The following PPP3CA variants were observed in gnomAD, a reference collection of about 807,000 sequenced individuals.
PPP3CA encodes the protein CAM-PRP catalytic subunit.
PPP3CA carries 14 observed loss-of-function variants against 66.5 expected under a neutral mutation model. The ratio of observed to expected loss-of-function variants is 0.21; its 90% CI spans 0.14 to 0.33. PPP3CA has a LOEUF of 0.33. Ranked by LOEUF, PPP3CA falls within the 10% of genes least tolerant of loss-of-function variation. PPP3CA has a pLI of 1.00. For synonymous variants in PPP3CA, 232 were observed against 226.2 expected (o/e 1.03, Z -0.23); for missense variants, 317 against 639.5 (o/e 0.50, Z 5.44).
At position 101,334,922 on chromosome 4, in the gene PPP3CA, T is replaced by C. The variant is rs145372139; in HGVS notation, c.58+11817A>G. On this transcript the variant is annotated intron_variant, in intron 1 of 13. Coordinates refer to ENST00000394854, the MANE Select transcript of PPP3CA (RefSeq NM_000944.5). ...AAATGTTCAGGGAAATACACACATA[T>C]GTAATTTCCACTGTGATTAAAGACT... Among the ~76,000 whole-genome samples the C allele has an allele frequency of 2.3e-3, 347 of 152,290 alleles. 4 individuals carry two copies. Among genetic ancestry groups the C allele is most frequent in the African/African-American group, 7.8e-3 (324 of 41,554 alleles).
At chr4:101,323,150 T>C (rs1382363567) in intron 1 of PPP3CA, among the ~76,000 whole-genome samples, 1 of 152,180 alleles carries the variant, frequency 6.6e-6, no homozygotes, top group Admixed American at 6.5e-5. Context: ...TTGACAGTTC[T>C]AGTATTCCTA....
chr4:101,161,965 C>A (rs1055017750), intron 2 of PPP3CA, among the ~76,000 whole-genome samples: 2 of 152,136 alleles, frequency 1.3e-5, no homozygotes, highest in African/African-American at 4.8e-5. Flanking sequence ...ATAGGCCGGG[C>A]GCGGTGACTC....
At chr4:101,050,469 G>C (rs1345468297) in intron 10 of PPP3CA, among the ~76,000 whole-genome samples, 1 of 152,056 alleles carries the variant, frequency 6.6e-6, no homozygotes, top group East Asian at 1.9e-4. Flanking sequence ...TGCTACCTTG[G>C]GCAAGTATTA....
rs1578645045 is a variant in PPP3CA at position 101,300,958 on chromosome 4, T to C, written c.58+45781A>G. 2.0e-5 allele frequency among the ~76,000 whole-genome samples: 3 copies of C among 152,216 alleles called. No homozygotes were observed. In the East Asian group the frequency reaches 5.8e-4, roughly 29 times the overall value. On this transcript the variant is annotated intron_variant, in intron 1 of 13. Coordinates refer to ENST00000394854, the MANE Select transcript of PPP3CA (RefSeq NM_000944.5). ...TATTCTGGTAGACACCAAAAAATAA[T>C]AATGAAAAGGGAAAAGTATTCATCT...
intron 2 of PPP3CA, among the ~76,000 whole-genome samples, chr4:101,190,745 T>A (rs1724573731): frequency 6.6e-6 from 1 of 152,180 alleles, no homozygotes; most frequent in African/African-American, 2.4e-5. Context: ...ACTACACACA[T>A]AAACTCTATG....
chr4:101,045,428 C>T (rs1727719386), intron 10 of PPP3CA, among the ~76,000 whole-genome samples: 1 of 152,146 alleles, frequency 6.6e-6, no homozygotes, highest in Non-Finnish European at 1.5e-5. Flanking sequence ...ATGCTACAAA[C>T]CGGGGCCATT....
At chr4:101,131,971 A>G (rs1433510185) in intron 2 of PPP3CA, among the ~76,000 whole-genome samples, 2 of 152,218 alleles carry the variant, frequency 1.3e-5, no homozygotes, top group South Asian at 2.1e-4. Flanking sequence ...ACACAACTAC[A>G]TGGAAACTGA....
At chr4:101,290,894 A>G (rs1159107678) in intron 1 of PPP3CA, among the ~76,000 whole-genome samples, 2 of 152,196 alleles carry the variant, frequency 1.3e-5, no homozygotes, top group East Asian at 3.9e-4. Flanking sequence ...GAGGCATGCA[A>G]ATAAAATCAG....
rs890236416 is a variant in PPP3CA at position 101,122,394 on chromosome 4, G to C, written c.260-13316C>G. On this transcript the variant is annotated intron_variant, in intron 2 of 13. Coordinates refer to ENST00000394854, the MANE Select transcript of PPP3CA (RefSeq NM_000944.5). Reference sequence around the variant, plus strand: ...CCATGTAAGAGCTCTTTGTATGTGTGTGTGTGTACACAGGTACATGTGTGC... The same window carrying C: ...CCATGTAAGAGCTCTTTGTATGTGTCTGTGTGTACACAGGTACATGTGTGC... Among the ~76,000 whole-genome samples, 4 of 152,164 alleles carry C rather than the reference G, an allele frequency of 2.6e-5. 1 individual carries two copies. Among genetic ancestry groups the C allele is most frequent in the Admixed American group, 2.6e-4 (4 of 15,278 alleles).
At position 101,106,712 on chromosome 4, in the gene PPP3CA, C is replaced by G. The variant is rs188864506; in HGVS notation, c.384+2242G>C. On this transcript the variant is annotated intron_variant, in intron 3 of 13. Coordinates refer to ENST00000394854, the MANE Select transcript of PPP3CA (RefSeq NM_000944.5). ...GCCATTTCTGGGAAACATCCTTAAA[C>G]AAGAAGATATACCCTTCTCTTTCTC... Among the ~76,000 whole-genome samples the G allele has an allele frequency of 3.6e-3, 555 of 152,178 alleles. 3 individuals carry two copies. The highest frequency in any genetic ancestry group is 4.0e-3 in the Non-Finnish European group (274 of 67,982).
chr4:101,087,440 T>C (rs1729719144), intron 6 of PPP3CA, among the ~76,000 whole-genome samples: 1 of 152,192 alleles, frequency 6.6e-6, no homozygotes, highest in African/African-American at 2.4e-5. Flanking sequence ...CAGAACATTA[T>C]CAAACCCCAG....
chr4:101,040,550 G>A lies in PPP3CA; in HGVS notation c.1173C>T (p.Ala391=). The change falls in exon 11 of 14, where the codon GCC becomes GCT. Residue 391 remains alanine, a synonymous_variant. Coordinates refer to ENST00000394854, the MANE Select transcript of PPP3CA (RefSeq NM_000944.5). ...EDGFDGATAA[A]RKEVIRNKIR... ...TCTTGTTCCTTATCACCTCTTTCCG[G>A]GCTGCAGCTGTTGCACCTGTATTTT... 6.2e-7 allele frequency: 1 copy of A among 1,612,494 alleles called. No homozygotes were observed. The highest frequency in any genetic ancestry group is 1.1e-5 in the South Asian group (1 of 90,792).
At chr4:101,290,488 C>T (rs1326921711) in intron 1 of PPP3CA, among the ~76,000 whole-genome samples, 1 of 152,204 alleles carries the variant, frequency 6.6e-6, no homozygotes, top group Non-Finnish European at 1.5e-5. Context: ...AATATAAATA[C>T]ATGAGAATGT....
chr4:101,217,251 T>A (rs1458773714), intron 1 of PPP3CA, among the ~76,000 whole-genome samples: 1 of 152,144 alleles, frequency 6.6e-6, no homozygotes, highest in African/African-American at 2.4e-5. Flanking sequence ...TAAGTGTTTA[T>A]TGTTCCTGTT....
intron 5 of PPP3CA, among the ~76,000 whole-genome samples, chr4:101,095,377 G>A (rs1411411541): frequency 6.6e-6 from 1 of 152,008 alleles, no homozygotes; most frequent in East Asian, 1.9e-4. Context: ...AGTATACAGT[G>A]CATTCTAAAA....
At chr4:101,124,745 AAGAAAG>A (rs1722178512) in intron 2 of PPP3CA, among the ~76,000 whole-genome samples, 1 of 108,360 alleles carries the variant, frequency 9.2e-6, no homozygotes, top group African/African-American at 4.4e-5. Flanking sequence ...GAAAGAAAGA[AAGAAAG>A]AAAGAAAGAA....
intron 1 of PPP3CA, among the ~76,000 whole-genome samples, chr4:101,289,007 G>A (rs768270801): frequency 5.0e-4 from 76 of 151,960 alleles, no homozygotes; most frequent in Non-Finnish European, 9.1e-4. Context: ...CTCCAACTGC[G>A]TAGGAGGAAA....
intron 1 of PPP3CA, among the ~76,000 whole-genome samples, chr4:101,257,502 T>G (rs1315809001): frequency 1.3e-5 from 2 of 151,936 alleles, no homozygotes; most frequent in African/African-American, 4.8e-5. Context: ...GACTAATGGT[T>G]TAATATATTA....
At chr4:101,123,727 A>G (rs1188847689) in intron 2 of PPP3CA, among the ~76,000 whole-genome samples, 1 of 152,186 alleles carries the variant, frequency 6.6e-6, no homozygotes, top group Non-Finnish European at 1.5e-5. Flanking sequence ...GGGTCTTGTC[A>G]TCCAGGCTAG....
Sources: gnomAD v4.1 joint callset for allele counts (sites outside exome capture counted in the v4.1 genomes callset) on GRCh38, gnomAD v4.1.1 for gene constraint, MANE v1.5 for transcripts, NCBI Gene and HGNC (gene_info 2026-07-23, HGNC 2026-07-21) for gene names.